Variants in GALNTL6 observed in about 807,000 individuals in gnomAD.
GALNTL6 encodes polypeptide N-acetylgalactosaminyltransferase like 6.
GALNTL6 carries 46 observed loss-of-function variants against 73.7 expected under a neutral mutation model. The observed-to-expected ratio is 0.62, with a 90% CI of 0.49 to 0.80. GALNTL6 has a LOEUF of 0.80. GALNTL6 is among the 30% of genes least tolerant of loss of function. GALNTL6 has a pLI of 0.00. For missense variants in GALNTL6, 604 were observed against 755.0 expected (o/e 0.80, Z 2.34); for synonymous variants, 259 against 263.7 (o/e 0.98, Z 0.17).
chr4:172,461,798 G>A lies in GALNTL6; in HGVS notation c.553+113109G>A, dbSNP rs562102790. ...GATCAAAGAGTGGAACTATAGATCT[G>A]TGATGGTTAATTTTGTATTTCAACT... On this transcript the variant is annotated intron_variant, in intron 5 of 12. Transcript: ENST00000506823. Among the ~76,000 whole-genome samples the A allele has an allele frequency of 9.9e-4, 151 of 152,162 alleles. 1 individual carries two copies. The highest frequency in any genetic ancestry group is 1.4e-3 in the Non-Finnish European group (97 of 68,026).
chr4:172,124,773 A>C (rs1733250425), intron 2 of GALNTL6, among the ~76,000 whole-genome samples: 1 of 152,212 alleles, frequency 6.6e-6, no homozygotes. Context: ...AGATGTAGTA[A>C]GACAGTGTAC....
At chr4:172,233,225 T>G (rs1737132762) in intron 3 of GALNTL6, among the ~76,000 whole-genome samples, 1 of 131,230 alleles carries the variant, frequency 7.6e-6, no homozygotes, top group African/African-American at 2.8e-5. Flanking sequence ...AAAAAAAAAA[T>G]TCATCCGGGC....
At chr4:172,728,031 G>C (rs913523416) in intron 5 of GALNTL6, among the ~76,000 whole-genome samples, 7 of 151,976 alleles carry the variant, frequency 4.6e-5, no homozygotes, top group African/African-American at 1.7e-4. Context: ...TCCTGCCTCA[G>C]CCTCCCGACT....
At chr4:172,312,538 A>G (rs1740398819) in intron 4 of GALNTL6, among the ~76,000 whole-genome samples, 1 of 152,152 alleles carries the variant, frequency 6.6e-6, no homozygotes, top group Non-Finnish European at 1.5e-5. Context: ...TAACTGTACT[A>G]ATATAGCTAT....
chr4:172,986,724 G>A (rs888022117), intron 10 of GALNTL6, among the ~76,000 whole-genome samples: 3 of 152,156 alleles, frequency 2.0e-5, no homozygotes, highest in Non-Finnish European at 2.9e-5. Context: ...ATATTTCTAT[G>A]GAAACAGAAG....
At chr4:172,910,412 T>C (rs982562913) in intron 8 of GALNTL6, among the ~76,000 whole-genome samples, 8 of 152,178 alleles carry the variant, frequency 5.3e-5, no homozygotes, top group Non-Finnish European at 1.2e-4. Flanking sequence ...TTGGTATTTA[T>C]ATGCCAAGGT....
intron 2 of GALNTL6, among the ~76,000 whole-genome samples, chr4:172,013,448 A>G (rs953978796): frequency 2.0e-5 from 3 of 152,002 alleles, no homozygotes; most frequent in Admixed American, 6.6e-5. Context: ...ACTTAACACT[A>G]TGTCCTCGAG....
At chr4:172,544,017 A>G (rs1475295858) in intron 5 of GALNTL6, among the ~76,000 whole-genome samples, 1 of 152,218 alleles carries the variant, frequency 6.6e-6, no homozygotes, top group Non-Finnish European at 1.5e-5. Context: ...AGAGAAGTAA[A>G]GACATGCCCG....
intron 5 of GALNTL6, among the ~76,000 whole-genome samples, chr4:172,783,813 G>C (rs1411473941): frequency 6.6e-6 from 1 of 151,990 alleles, no homozygotes; most frequent in African/African-American, 2.4e-5. Flanking sequence ...TGAGAAATGA[G>C]CTTTGATGAA....
chr4:172,632,077 T>C (rs897064621), intron 5 of GALNTL6, among the ~76,000 whole-genome samples: 1 of 152,226 alleles, frequency 6.6e-6, no homozygotes, highest in African/African-American at 2.4e-5. Flanking sequence ...TCTAGCATGA[T>C]TGTGAGGCCT....
chr4:172,957,514 C>CT (rs1749806809), intron 10 of GALNTL6, among the ~76,000 whole-genome samples: 1 of 152,106 alleles, frequency 6.6e-6, no homozygotes, highest in African/African-American at 2.4e-5. Context: ...ACGCTAGCTG[C>CT]TTTTTTAGCT....
At chr4:171,933,411 T>A (rs1738246182) in intron 2 of GALNTL6, among the ~76,000 whole-genome samples, 1 of 152,166 alleles carries the variant, frequency 6.6e-6, no homozygotes, top group South Asian at 2.1e-4. Flanking sequence ...TATAGACAAA[T>A]GAGTTTTAGT....
At chr4:172,306,974 TACCCAGTA>T (rs1740162303) in intron 3 of GALNTL6, among the ~76,000 whole-genome samples, 1 of 152,226 alleles carries the variant, frequency 6.6e-6, no homozygotes, top group South Asian at 2.1e-4. Context: ...TCTGAGTGGA[TACCCAGTA>T]GAGGGCTTGT....
intron 3 of GALNTL6, among the ~76,000 whole-genome samples, chr4:172,289,653 A>C (rs879763795): frequency 1.3e-5 from 2 of 152,210 alleles, no homozygotes; most frequent in African/African-American, 4.8e-5. Flanking sequence ...AGCTGGCACA[A>C]TCCTGGCAAG....
intron 2 of GALNTL6, among the ~76,000 whole-genome samples, chr4:172,229,406 T>G (rs1422295743): frequency 6.6e-6 from 1 of 152,132 alleles, no homozygotes; most frequent in Non-Finnish European, 1.5e-5. Flanking sequence ...AATATTAGCG[T>G]CTCTGGATGA....
intron 7 of GALNTL6, among the ~76,000 whole-genome samples, chr4:172,861,515 G>A (rs776120398): frequency 6.6e-6 from 1 of 152,172 alleles, no homozygotes; most frequent in African/African-American, 2.4e-5. Context: ...GATAATCAAG[G>A]TGGAGATTAC....
intron 5 of GALNTL6, among the ~76,000 whole-genome samples, chr4:172,393,958 CTGTT>C (rs1443514467): frequency 1.3e-5 from 2 of 152,044 alleles, no homozygotes; most frequent in African/African-American, 4.8e-5. Context: ...ATTATTCCCA[CTGTT>C]TATTATAACT....
chr4:172,338,212 A>C (rs1033735422), intron 4 of GALNTL6, among the ~76,000 whole-genome samples: 1 of 152,078 alleles, frequency 6.6e-6, no homozygotes, highest in Non-Finnish European at 1.5e-5. Context: ...CCTTGTCTTG[A>C]ATATCATTCA....
intron 3 of GALNTL6, among the ~76,000 whole-genome samples, chr4:172,276,760 T>C (rs1168009693): frequency 6.6e-6 from 1 of 152,154 alleles, no homozygotes; most frequent in East Asian, 1.9e-4. Flanking sequence ...TTAGAGACAC[T>C]ATAAAGTCCT....
Sources: gnomAD v4.1 joint callset for allele counts (sites outside exome capture counted in the v4.1 genomes callset) on GRCh38, gnomAD v4.1.1 for gene constraint, MANE v1.5 for transcripts, NCBI Gene and HGNC (gene_info 2026-07-23, HGNC 2026-07-21) for gene names.